IQSEC2: variants seen among roughly 807,000 people sequenced by gnomAD.
IQSEC2 encodes IQ motif and Sec7 domain ArfGEF 2.
In IQSEC2, 6 loss-of-function variants were observed where a neutral mutation model predicts 74.6. The ratio of observed to expected loss-of-function variants is 0.08; its 90% CI spans 0.04 to 0.16. The LOEUF is 0.16. Among genes scored for constraint, IQSEC2 ranks in the 10% least tolerant of loss-of-function variants. IQSEC2 has a pLI of 1.00. For missense variants in IQSEC2, 734 were observed against 1,306.2 expected, an observed-to-expected ratio of 0.56 and a Z score of 6.75; for synonymous variants, 494 against 544.5, an observed-to-expected ratio of 0.91 and a Z score of 1.29.
chrX:53,251,243 G>A, intron 4 of IQSEC2, 69 bp from the exon 5 acceptor site: 1 of 1,081,014 alleles, frequency 9.3e-7, no homozygotes, highest in South Asian at 1.9e-5. Context: ...AAGAATGGTG[G>A]AAGGTGGGAA....
intron 2 of IQSEC2, among the ~76,000 whole-genome samples, chrX:53,274,452 CTTTTTT>C (rs66510453): frequency 6.4e-5 from 3 of 47,113 alleles, no homozygotes; most frequent in African/African-American, 9.7e-5. Flanking sequence ...AGTTACATTT[CTTTTTT>C]TTTTTTTTTT....
rs1264770825 is a variant in IQSEC2, at chrX:53,238,181, C to T, written c.3241G>A (p.Ala1081Thr). The change falls in exon 12 of 15, where the codon GCG becomes ACG. Residue 1081 changes from alanine (A) to threonine (T), a missense_variant. Physicochemically the swap from Ala to Thr is moderately conservative, Grantham distance 58 (BLOSUM62 0). Transcript: ENST00000642864. ...TATTTCTCCATCTCCTGCACCTCCG[C>T]AATGGACTCGCGCAGGTCGGATGTA... The part of the protein sequence containing the change: ...RFTSDLRESI[A>T]EVQEMEKYRV... The T allele has an allele frequency of 8.3e-7, 1 of 1,205,314 alleles. No homozygotes were observed. Among genetic ancestry groups the T allele is most frequent in the Non-Finnish European group, 1.1e-6 (1 of 893,330 alleles).
At chrX:53,235,372 CTA>C (rs1478892858) in intron 14 of IQSEC2, among the ~76,000 whole-genome samples, 188 bp from the exon 15 acceptor site, 1 of 111,770 alleles carries the variant, frequency 8.9e-6, no homozygotes, top group African/African-American at 3.3e-5. Flanking sequence ...GTCACATCCA[CTA>C]TCTCAGCTGA....
chrX:53,285,928 A>T (rs1428432198), intron 2 of IQSEC2, among the ~76,000 whole-genome samples: 1 of 112,547 alleles, frequency 8.9e-6, no homozygotes, highest in Non-Finnish European at 1.9e-5. Context: ...AAACTTGTCT[A>T]AGGGGTCATT....
At chrX:53,259,144 C>T (rs1219377513) in intron 2 of IQSEC2, among the ~76,000 whole-genome samples, 4 of 83,634 alleles carry the variant, frequency 4.8e-5, no homozygotes, top group African/African-American at 1.4e-4. Context: ...GAGCTGACAT[C>T]GCACCACTGC....
At chrX:53,305,985 C>G (rs2075257843) in intron 1 of IQSEC2, among the ~76,000 whole-genome samples, 2 of 112,542 alleles carry the variant, frequency 1.8e-5, no homozygotes, top group African/African-American at 6.5e-5. Flanking sequence ...CAGCTGGGTA[C>G]TACAATGACA....
chrX:53,284,888 T>C (rs1029494486), intron 2 of IQSEC2, among the ~76,000 whole-genome samples: 5 of 111,439 alleles, frequency 4.5e-5, no homozygotes, highest in Non-Finnish European at 9.4e-5. Flanking sequence ...AGGCCCACAA[T>C]TGTCACATGG....
intron 2 of IQSEC2, among the ~76,000 whole-genome samples, chrX:53,274,115 T>C (rs1165321467): frequency 8.9e-6 from 1 of 112,016 alleles, no homozygotes; most frequent in South Asian, 3.7e-4. Flanking sequence ...TAGTTAAGAG[T>C]TGGTTGAGAA....
Position 53,277,907 on chromosome X carries a change from G to A in IQSEC2, c.737+13988C>T, listed in dbSNP as rs2074862838. On this transcript the variant is annotated intron_variant, in intron 2 of 14. Coordinates refer to ENST00000642864, the MANE Select transcript of IQSEC2 (RefSeq NM_001111125.3). ...GCTGGTCTCGAACTCCTGACCTCAG[G>A]TGATCCACCCACCTTGGCCTCCCAA... Among the ~76,000 whole-genome samples the A allele has an allele frequency of 2.7e-5, 3 of 110,226 alleles. No homozygotes were observed. In the Admixed American group the frequency reaches 2.9e-4, roughly 11 times the overall value.
intron 2 of IQSEC2, among the ~76,000 whole-genome samples, chrX:53,269,638 C>T (rs782367409): frequency 2.3e-4 from 26 of 110,713 alleles, no homozygotes; most frequent in African/African-American, 8.2e-4. Flanking sequence ...TTAAGAAACC[C>T]GTCTACACTG....
rs782517076 is a variant in IQSEC2 at position 53,248,851 on chromosome X, C to G, written c.2329G>C (p.Glu777Gln). 7.4e-6 allele frequency: 9 copies of G among 1,210,861 alleles called. No homozygotes were observed. The highest frequency in any genetic ancestry group is 4.4e-5 in the Admixed American group (2 of 45,974). The change falls in exon 6 of 15, where the codon GAG (glutamate) becomes CAG (glutamine). Residue 777 changes from glutamate (E) to glutamine (Q), a missense_variant. By Grantham distance (29) the Glu-to-Gln change is conservative. This residue lies in a region of IQSEC2 where 14 missense variants were observed against 20.4 expected (regional missense o/e 0.69). Coordinates refer to ENST00000642864, the MANE Select transcript of IQSEC2 (RefSeq NM_001111125.3). ...KPEKGIQYLI[E>Q]RGFLSDTPVG... Reference sequence around the variant, plus strand: ...GGTGTGTCTGACAGGAAGCCCCGCTCGATCAGATACTGGATACCCTTCTCT... The same window carrying G: ...GGTGTGTCTGACAGGAAGCCCCGCTGGATCAGATACTGGATACCCTTCTCT...
At chrX:53,228,649 C>A (rs1162592987), downstream of IQSEC2, among the ~76,000 whole-genome samples, 1 of 111,915 alleles carries the variant, frequency 8.9e-6, no homozygotes, top group Non-Finnish European at 1.9e-5. Context: ...AATATGATCT[C>A]TTCCAGTTCT....
chrX:53,298,103 C>A (rs782290989), intron 1 of IQSEC2, among the ~76,000 whole-genome samples: 4 of 111,034 alleles, frequency 3.6e-5, no homozygotes, highest in Non-Finnish European at 7.6e-5. Flanking sequence ...GCACTCCAGA[C>A]CGGGCGACAC....
intron 1 of IQSEC2, among the ~76,000 whole-genome samples, chrX:53,304,873 T>C (rs1450385570): frequency 8.9e-6 from 1 of 112,013 alleles, no homozygotes; most frequent in Non-Finnish European, 1.9e-5. Context: ...CTTAGCATAT[T>C]CTGCCTTATA....
Position 53,250,339 on chromosome X carries a change from G to C in IQSEC2, c.2237C>G (p.Ala746Gly), listed in dbSNP as rs201284172. 8.3e-7 allele frequency: 1 copy of C among 1,210,160 alleles called. No homozygotes were observed. Among genetic ancestry groups the C allele is most frequent in the Non-Finnish European group, 1.1e-6 (1 of 895,161 alleles). Reference protein sequence around the residue: ...RETRHSWDSPAFNNDVVQRRH... With the variant: ...RETRHSWDSPGFNNDVVQRRH... ...CCTCTGGACCACATCATTGTTGAAA[G>C]CTGGCGAGTCCCAGCTATGCCTTGT... The change falls in exon 5 of 15, where the codon GCT becomes GGT. Residue 746 changes from alanine to glycine, a missense_variant. Around this residue, in one of 12 missense-constraint regions of IQSEC2, gnomAD observed 2 missense variants for 28.2 expected, o/e 0.07. Transcript: ENST00000642864.
rs782166377 is a variant in IQSEC2 at position 53,309,904 on chromosome X, A to C, written c.707+10513T>G. ...GAGCTATGACAGCCTCACATTAGGA[A>C]GGAAGAAATATACCAGTTTTCAGGG... On this transcript the variant is annotated intron_variant, in intron 1 of 14. Transcript: ENST00000642864. Among the ~76,000 whole-genome samples the C allele has an allele frequency of 2.7e-5, 3 of 112,196 alleles. No individual in the cohort carries two copies. In the South Asian group the frequency reaches 1.1e-3, roughly 41 times the overall value.
At position 53,321,127 on chromosome X, in the gene IQSEC2, G is replaced by A. The variant is rs1486305203; in HGVS notation, c.-4C>T. 4.6e-6 allele frequency: 5 copies of A among 1,084,623 alleles called. No homozygotes were observed. The Admixed American group carries it at 1.0e-4, about 23-fold the overall frequency. The allele number at this position is 1,084,623 out of a possible 1,213,427, so 89.4% of individuals were successfully genotyped here. A position where few individuals can be genotyped will look rare whatever the true frequency, so the allele number is the denominator to read the frequency against. ...GGGGCCCCGACCCCGCCTCCATCCTGGCGGCCCAGGGGCAGGGGAACGGGC... is the reference window on the plus strand; with the variant it reads ...GGGGCCCCGACCCCGCCTCCATCCTAGCGGCCCAGGGGCAGGGGAACGGGC... On this transcript the variant is annotated 5_prime_UTR_variant, in exon 1 of 15. Coordinates refer to ENST00000642864, the MANE Select transcript of IQSEC2 (RefSeq NM_001111125.3).
In IQSEC2 at chrX:53,282,703, C is replaced by T. The variant is rs1263134648; in HGVS notation, c.737+9192G>A. Among the ~76,000 whole-genome samples the T allele has an allele frequency of 2.7e-5, 3 of 111,895 alleles. No individual in the cohort carries two copies. In the Admixed American group the frequency reaches 2.8e-4, roughly 11 times the overall value. On this transcript the variant is annotated intron_variant, in intron 2 of 14. Coordinates refer to ENST00000642864, the MANE Select transcript of IQSEC2 (RefSeq NM_001111125.3). ...CACCACAAGGTTGGCATCTGTGGGT[C>T]CTTAGTGACCTTCTCTCCCTCTGCC...
chrX:53,251,265 GGT>G, intron 4 of IQSEC2, 91 bp from the exon 5 acceptor site: 3 of 956,614 alleles, frequency 3.1e-6, no homozygotes, highest in Non-Finnish European at 4.3e-6. Flanking sequence ...GAGGGAGGGA[GGT>G]AAGGAAAAAG....
Sources: gnomAD v4.1 joint callset for allele counts (sites outside exome capture counted in the v4.1 genomes callset) on GRCh38, gnomAD v4.1.1 for gene constraint, gnomAD v4.1.1 regional missense constraint, MANE v1.5 for transcripts, NCBI Gene and HGNC (gene_info 2026-07-23, HGNC 2026-07-21) for gene names.